The following ALKAL1 variants were observed in gnomAD, a reference collection of about 807,000 sequenced individuals.
The protein encoded by ALKAL1 is ALK and LTK ligand 1, also known as AUG-beta.
A neutral mutation model predicts 13.5 loss-of-function variants in ALKAL1; 23 were observed. That is an observed-to-expected ratio of 1.70 (90% CI 1.23 to 2.41). The LOEUF (loss-of-function observed/expected upper bound fraction) is 2.41, where lower values mean the gene tolerates loss of function less well. Ranked by LOEUF, ALKAL1 falls within the 30% of genes most tolerant of loss-of-function variation. The pLI is 0.00. For missense variants in ALKAL1, 181 were observed against 178.4 expected, an observed-to-expected ratio of 1.01 and a Z score of -0.08; for synonymous variants, 85 against 77.7, an observed-to-expected ratio of 1.09 and a Z score of -0.49.
chr8:52,545,040 C>G (rs1847356132), intron 1 of ALKAL1, among the ~76,000 whole-genome samples: 1 of 152,070 alleles, frequency 6.6e-6, no homozygotes, highest in Non-Finnish European at 1.5e-5. Flanking sequence ...CTCAGCCTCC[C>G]AAAGTGTTGG....
At chr8:52,537,939 T>C (rs1847278073) in intron 4 of ALKAL1, among the ~76,000 whole-genome samples, 1 of 151,832 alleles carries the variant, frequency 6.6e-6, no homozygotes, top group Admixed American at 6.6e-5. Flanking sequence ...CTACTAAAAA[T>C]ACAAAAATTA....
chr8:52,534,966 T>C (rs1847251758), intron 4 of ALKAL1, among the ~76,000 whole-genome samples: 4 of 152,316 alleles, frequency 2.6e-5, no homozygotes, highest in African/African-American at 7.2e-5. Flanking sequence ...ATAACTCCTA[T>C]AGAGAGAAAT....
In ALKAL1 at chr8:52,565,128, C is replaced by A; in HGVS notation, c.129G>T (p.Lys43Asn). The A allele has an allele frequency of 7.1e-7, 1 of 1,417,706 alleles. No homozygotes were observed. The highest frequency in any genetic ancestry group is 9.3e-7 in the Non-Finnish European group (1 of 1,079,730). 87.8% of individuals were successfully genotyped at this position (1,417,706 alleles called of 1,614,324 possible). ...CGGCCGCGGGGAGGAAAAGCAACGG[C>A]TTGGGCTCCTTATCCGTGACGCGCG... ...RGARVTDKEP[K>N]PLLFLPAAGA... Residue 43 changes from lysine to asparagine, a missense_variant, in exon 1 of 5, where the codon AAG (lysine) becomes AAT (asparagine). By Grantham distance (94) the Lys-to-Asn change is moderately conservative. Transcript: ENST00000358543.
intron 1 of ALKAL1, among the ~76,000 whole-genome samples, chr8:52,550,444 G>C (rs967586377): frequency 5.3e-5 from 8 of 152,192 alleles, no homozygotes; most frequent in Non-Finnish European, 1.0e-4. Context: ...AGACAGAGTT[G>C]AGTAGTTGCA....
In ALKAL1 at chr8:52,544,161, G is replaced by T. The variant is rs146764127; in HGVS notation, c.191-1716C>A. Reference sequence around the variant, plus strand: ...CTGGCACATGTTCAAGGAATAGGAAGCCAAGAGGGTTGCTACCGCTCAAAT... The same window carrying T: ...CTGGCACATGTTCAAGGAATAGGAATCCAAGAGGGTTGCTACCGCTCAAAT... On this transcript the variant is annotated intron_variant, in intron 1 of 4. Coordinates refer to ENST00000358543, the MANE Select transcript of ALKAL1 (RefSeq NM_207413.4). 5.9e-3 allele frequency among the ~76,000 whole-genome samples: 892 copies of T among 152,210 alleles called. 9 individuals carry two copies. The highest frequency in any genetic ancestry group is 0.021 in the African/African-American group (853 of 41,522).
chr8:52,542,358 A>C (rs1462376290), intron 2 of ALKAL1, 34 bp downstream of exon 2: 1 of 1,348,554 alleles, frequency 7.4e-7, no homozygotes, highest in African/African-American at 1.5e-5. Flanking sequence ...CTTTTTATTT[A>C]GTTAATGGAA....
intron 1 of ALKAL1, among the ~76,000 whole-genome samples, chr8:52,555,323 C>A (rs537853298): frequency 2.0e-5 from 3 of 152,190 alleles, no homozygotes; most frequent in Admixed American, 1.3e-4. Flanking sequence ...GCTGTATTAA[C>A]CATGCATTTT....
chr8:52,535,737 T>G (rs1847260573), intron 4 of ALKAL1, among the ~76,000 whole-genome samples: 1 of 152,198 alleles, frequency 6.6e-6, no homozygotes, highest in Admixed American at 6.5e-5. Flanking sequence ...TTCTAATTAT[T>G]ATCATTAATG....
chr8:52,537,623 C>G (rs933032721), intron 4 of ALKAL1, among the ~76,000 whole-genome samples: 2 of 151,990 alleles, frequency 1.3e-5, no homozygotes, highest in Non-Finnish European at 1.5e-5. Context: ...ATATACACAA[C>G]GGAATACTAT....
chr8:52,556,370 G>A (rs1021660142), intron 1 of ALKAL1, among the ~76,000 whole-genome samples: 23 of 152,012 alleles, frequency 1.5e-4, no homozygotes, highest in Non-Finnish European at 2.8e-4. Flanking sequence ...TGGATAGGCC[G>A]GGCGCGGTGG....
Position 52,565,064 on chromosome 8 carries a change from T to C in ALKAL1, c.190+3A>G, listed in dbSNP as rs1847585777. On this transcript the variant is annotated splice_donor_region_variant and intron_variant, in intron 1 of 4. Coordinates refer to ENST00000358543, the MANE Select transcript of ALKAL1 (RefSeq NM_207413.4). ...AGGATGGGGCGGGATGGGGACATCG[T>C]ACCTGCGCTCCGGGAGCCGCTGGGA... 2.1e-6 allele frequency: 3 copies of C among 1,395,356 alleles called. No individual in the cohort carries two copies. The highest frequency in any genetic ancestry group is 1.9e-6 in the Non-Finnish European group (2 of 1,072,932). The allele number at this position is 1,395,356 out of a possible 1,614,324, so 86.4% of individuals were successfully genotyped here. A position where few individuals can be genotyped will look rare whatever the true frequency, so the allele number is the denominator to read the frequency against.
At chr8:52,537,609 G>A (rs182646679) in intron 4 of ALKAL1, among the ~76,000 whole-genome samples, 1 of 152,234 alleles carries the variant, frequency 6.6e-6, no homozygotes, top group Non-Finnish European at 1.5e-5. Context: ...TAAAGAAAAT[G>A]TGTATATACA....
Position 52,565,098 on chromosome 8 carries a change from G to A in ALKAL1, c.159C>T (p.Ala53=), listed in dbSNP as rs1847586621. 2 of 1,416,644 alleles carry A rather than the reference G, an allele frequency of 1.4e-6. No homozygotes were observed. The highest frequency in any genetic ancestry group is 1.9e-6 in the Non-Finnish European group (2 of 1,080,550). The allele number at this position is 1,416,644 out of a possible 1,614,324, so 87.8% of individuals were successfully genotyped here. A position where few individuals can be genotyped will look rare whatever the true frequency, so the allele number is the denominator to read the frequency against. The change falls in exon 1 of 5, where the codon GCC becomes GCT. Residue 53 remains alanine, a synonymous_variant. Coordinates refer to ENST00000358543, the MANE Select transcript of ALKAL1 (RefSeq NM_207413.4). ...KPLLFLPAAG[A]GRTPSGSRSA... is the part of the protein sequence containing the mutation. The stretch of plus-strand genomic sequence containing the variant: ...TCCGGGAGCCGCTGGGAGTCCGGCC[G>A]GCCCCGGCCGCGGGGAGGAAAAGCA...
At chr8:52,563,154 A>G (rs546044586) in intron 1 of ALKAL1, among the ~76,000 whole-genome samples, 28 of 152,338 alleles carry the variant, frequency 1.8e-4, no homozygotes, top group African/African-American at 6.5e-4. Flanking sequence ...ATAGTGGCTC[A>G]TGCCTGTAAT....
intron 1 of ALKAL1, among the ~76,000 whole-genome samples, chr8:52,544,600 G>A (rs1847348591): frequency 6.6e-6 from 1 of 152,182 alleles, no homozygotes; most frequent in South Asian, 2.1e-4. Context: ...CGTTGAGGGA[G>A]GGAGGGAATG....
chr8:52,563,068 C>T (rs560197870), intron 1 of ALKAL1, among the ~76,000 whole-genome samples: 73 of 152,266 alleles, frequency 4.8e-4, no homozygotes, highest in African/African-American at 1.7e-3. Flanking sequence ...TTTAAGGGTG[C>T]CCACAGGGCA....
intron 4 of ALKAL1, among the ~76,000 whole-genome samples, chr8:52,536,187 C>T (rs1324065118): frequency 6.6e-6 from 1 of 152,190 alleles, no homozygotes; most frequent in Non-Finnish European, 1.5e-5. Flanking sequence ...GATCCACCCG[C>T]CTCGGCGTCC....
At chr8:52,562,653 C>T (rs1487333714) in intron 1 of ALKAL1, among the ~76,000 whole-genome samples, 1 of 152,136 alleles carries the variant, frequency 6.6e-6, no homozygotes, top group Non-Finnish European at 1.5e-5. Flanking sequence ...GTTGCCTGGC[C>T]TACAGAAAAA....
intron 1 of ALKAL1, among the ~76,000 whole-genome samples, chr8:52,550,132 T>C (rs1329261142): frequency 6.6e-6 from 1 of 152,206 alleles, no homozygotes; most frequent in Non-Finnish European, 1.5e-5. Flanking sequence ...GATATTTAAA[T>C]AGAGGGATGT....
Sources: gnomAD v4.1 joint callset for allele counts (sites outside exome capture counted in the v4.1 genomes callset) on GRCh38, gnomAD v4.1.1 for gene constraint, MANE v1.5 for transcripts, NCBI Gene and HGNC (gene_info 2026-07-23, HGNC 2026-07-21) for gene names.